The following MB21D2 variants were observed in gnomAD, a reference collection of about 807,000 sequenced individuals.
MB21D2 encodes the protein Mab-21 domain containing 2.
A neutral mutation model predicts 33.3 loss-of-function variants in MB21D2; 9 were observed. That is an observed-to-expected ratio of 0.27 (90% CI 0.16 to 0.47). MB21D2 has a LOEUF of 0.47. Ranked by LOEUF, MB21D2 falls within the 20% of genes least tolerant of loss-of-function variation. MB21D2 has a pLI of 0.99. For synonymous variants in MB21D2, 241 were observed against 236.3 expected, an observed-to-expected ratio of 1.02 and a Z score of -0.18; for missense variants, 540 against 624.6, an observed-to-expected ratio of 0.86 and a Z score of 1.44.
At chr3:192,837,644 C>T (rs1474431886) in intron 1 of MB21D2, among the ~76,000 whole-genome samples, 1 of 152,218 alleles carries the variant, frequency 6.6e-6, no homozygotes, top group Non-Finnish European at 1.5e-5. Context: ...CTGAATGAGT[C>T]TGGGCCGTCT....
intron 1 of MB21D2, among the ~76,000 whole-genome samples, chr3:192,878,081 C>CTTTT (rs11294126): frequency 8.4e-6 from 1 of 119,532 alleles, no homozygotes; most frequent in African/African-American, 3.2e-5. Flanking sequence ...AATTCCTCCT[C>CTTTT]TTTTTTTTTT....
intron 1 of MB21D2, among the ~76,000 whole-genome samples, chr3:192,914,200 T>C (rs1714414687): frequency 6.6e-6 from 1 of 152,194 alleles, no homozygotes; most frequent in Admixed American, 6.5e-5. Flanking sequence ...ACCCTGGATA[T>C]CCACTTTCTT....
At position 192,799,782 on chromosome 3, in the gene MB21D2, C is replaced by T; in HGVS notation, c.212-132G>A. On this transcript the variant is annotated intron_variant, in intron 1 of 1. Coordinates refer to ENST00000392452, the MANE Select transcript of MB21D2 (RefSeq NM_178496.4). This position sits in a 1 kb window ranked among gnomAD's most constrained non-coding sequence, Gnocchi z 4.1. ...CAGTACTAAATCAAATCTCAGGCTG[C>T]TGCAGAGACCTGGCCAACAGTACTT... The T allele has an allele frequency of 1.1e-6, 1 of 943,388 alleles. No individual in the cohort carries two copies. Among genetic ancestry groups the T allele is most frequent in the Non-Finnish European group, 1.5e-6 (1 of 651,540 alleles). 58.4% of individuals were successfully genotyped at this position (943,388 alleles called of 1,614,324 possible).
At chr3:192,813,786 A>C (rs953902452) in intron 1 of MB21D2, among the ~76,000 whole-genome samples, 1 of 152,122 alleles carries the variant, frequency 6.6e-6, no homozygotes, top group Admixed American at 6.5e-5. Context: ...TTTTCCCATC[A>C]AGTTGTCAAT....
intron 1 of MB21D2, among the ~76,000 whole-genome samples, chr3:192,883,647 G>T (rs929176140): frequency 6.6e-6 from 1 of 152,068 alleles, no homozygotes; most frequent in Non-Finnish European, 1.5e-5. Context: ...AGTTGTAGTT[G>T]TATCTCTGTG....
intron 1 of MB21D2, among the ~76,000 whole-genome samples, chr3:192,837,438 C>A (rs563522145): frequency 6.6e-6 from 1 of 152,304 alleles, no homozygotes; most frequent in East Asian, 1.9e-4. Context: ...GGGCTTCCCA[C>A]CAAGCACAAG....
chr3:192,887,684 G>A (rs1470034426), intron 1 of MB21D2, among the ~76,000 whole-genome samples: 1 of 152,042 alleles, frequency 6.6e-6, no homozygotes, highest in Admixed American at 6.5e-5. Flanking sequence ...TAATGGCTTA[G>A]CCCAACAAAA....
chr3:192,878,081 C>CTTTTTTTTTTTTTTT (rs11294126), intron 1 of MB21D2, among the ~76,000 whole-genome samples: 312 of 119,242 alleles, frequency 2.6e-3, no homozygotes, highest in Middle Eastern at 5.9e-3. Flanking sequence ...AATTCCTCCT[C>CTTTTTTTTTTTTTTT]TTTTTTTTTT....
At chr3:192,843,655 G>C (rs2108626409) in intron 1 of MB21D2, among the ~76,000 whole-genome samples, 1 of 152,290 alleles carries the variant, frequency 6.6e-6, no homozygotes. Flanking sequence ...AGGGAAGAGA[G>C]AGTCCCTCTC....
chr3:192,813,200 T>C (rs145641219), intron 1 of MB21D2, among the ~76,000 whole-genome samples: 2 of 152,266 alleles, frequency 1.3e-5, no homozygotes, highest in South Asian at 2.1e-4. Flanking sequence ...GACTGAAAGA[T>C]GCTTTGTCTT....
intron 1 of MB21D2, among the ~76,000 whole-genome samples, chr3:192,872,858 A>G (rs1257311672): frequency 6.6e-6 from 1 of 152,134 alleles, no homozygotes; most frequent in Non-Finnish European, 1.5e-5. Flanking sequence ...ATTCACACAC[A>G]CATTAGGGGT....
intron 1 of MB21D2, among the ~76,000 whole-genome samples, chr3:192,801,983 C>A (rs1417217560): frequency 6.6e-6 from 1 of 152,164 alleles, no homozygotes; most frequent in African/African-American, 2.4e-5. Flanking sequence ...AACAATTCAT[C>A]AGAAAGAACA....
chr3:192,805,974 G>A (rs929703707), intron 1 of MB21D2, among the ~76,000 whole-genome samples: 2 of 152,214 alleles, frequency 1.3e-5, no homozygotes, highest in Non-Finnish European at 2.9e-5. Context: ...CACAAAACAT[G>A]TTAGATGAAG....
chr3:192,798,190 G>A lies in MB21D2; in HGVS notation c.*196C>T, dbSNP rs1362279923. 1.9e-5 allele frequency: 11 copies of A among 570,356 alleles called. No individual in the cohort carries two copies. Among genetic ancestry groups the A allele is most frequent in the Non-Finnish European group, 3.3e-5 (11 of 337,378 alleles). The allele number at this position is 570,356 out of a possible 1,614,324, so 35.3% of individuals were successfully genotyped here. ...ACAATAACTACAAAAAGTAAACAAC[G>A]AAATCAGAGGCAGAATATGAAATAG... On this transcript the variant is annotated 3_prime_UTR_variant, in exon 2 of 2. Transcript: ENST00000392452. The surrounding 1 kb of genome is among the most constrained non-coding windows in gnomAD (Gnocchi z 4.8).
At chr3:192,877,834 T>C (rs1231062108) in intron 1 of MB21D2, among the ~76,000 whole-genome samples, 2 of 152,174 alleles carry the variant, frequency 1.3e-5, no homozygotes, top group Non-Finnish European at 2.9e-5. Flanking sequence ...TGCGCATCTC[T>C]GTCTCCAGAA....
At chr3:192,852,090 G>A (rs2108629895) in intron 1 of MB21D2, among the ~76,000 whole-genome samples, 1 of 152,334 alleles carries the variant, frequency 6.6e-6, no homozygotes, top group South Asian at 2.1e-4. Context: ...TGAGGGTCAA[G>A]GGCAGGTTCT....
chr3:192,803,867 G>A (rs1182120566), intron 1 of MB21D2, among the ~76,000 whole-genome samples: 1 of 152,198 alleles, frequency 6.6e-6, no homozygotes, highest in African/African-American at 2.4e-5. Context: ...GGGAACAGAA[G>A]GAAGATGCAC....
At chr3:192,862,563 G>A (rs969166260) in intron 1 of MB21D2, among the ~76,000 whole-genome samples, 7 of 152,156 alleles carry the variant, frequency 4.6e-5, no homozygotes, top group Admixed American at 3.3e-4. Context: ...ACAATGTACA[G>A]TTGTCAGTTG....
At chr3:192,916,614 A>G (rs1714471402) in intron 1 of MB21D2, among the ~76,000 whole-genome samples, 1 of 152,216 alleles carries the variant, frequency 6.6e-6, no homozygotes, top group African/African-American at 2.4e-5. Flanking sequence ...CCGCTGGCGG[A>G]GCCGCAAGTT....
Sources: gnomAD v4.1 joint callset for allele counts (sites outside exome capture counted in the v4.1 genomes callset) on GRCh38, gnomAD v4.1.1 for gene constraint, Gnocchi (gnomAD v3.1) non-coding constraint, MANE v1.5 for transcripts, NCBI Gene and HGNC (gene_info 2026-07-23, HGNC 2026-07-21) for gene names.